The following TCF7L1 variants were observed in gnomAD, a reference collection of about 807,000 sequenced individuals.
The protein encoded by TCF7L1 is transcription factor 7 like 1, also known as transcription factor 7-like 1.
TCF7L1 carries 18 observed loss-of-function variants against 63.7 expected under a neutral mutation model. That is an observed-to-expected ratio of 0.28 (90% CI 0.20 to 0.42). The LOEUF is 0.42. Ranked by LOEUF, TCF7L1 falls within the 10% of genes least tolerant of loss-of-function variation. The pLI is 1.00. For synonymous variants in TCF7L1, 355 were observed against 340.9 expected (o/e 1.04, Z -0.46); for missense variants, 654 against 779.3 (o/e 0.84, Z 1.91).
intron 3 of TCF7L1, among the ~76,000 whole-genome samples, chr2:85,148,924 G>A (rs888662717): frequency 2.0e-5 from 3 of 151,802 alleles, no homozygotes; most frequent in Non-Finnish European, 4.4e-5. Context: ...AATTATAGGC[G>A]CCTGCCACCA....
Position 85,309,182 on chromosome 2 carries a change from A to C in TCF7L1, c.1487A>C (p.His496Pro). Reference protein sequence around the residue: ...LASPAAPAATHSEQAQPLSLT... With the variant: ...LASPAAPAATPSEQAQPLSLT... ...TCACCAGCTGCCCCTGCTGCCACCC[A>C]TTCGGAGCAAGCCCAGCCCCTCTCC... Residue 496 changes from histidine (H) to proline (P), a missense_variant, in exon 12 of 12, where the codon CAT (histidine) becomes CCT (proline). Around this residue, in one of 3 missense-constraint regions of TCF7L1, gnomAD observed 184 missense variants for 204.0 expected, o/e 0.90. Coordinates refer to ENST00000282111, the MANE Select transcript of TCF7L1 (RefSeq NM_031283.3). 6.2e-7 allele frequency: 1 copy of C among 1,613,240 alleles called. No individual in the cohort carries two copies. The highest frequency in any genetic ancestry group is 1.7e-5 in the Admixed American group (1 of 59,902).
intron 4 of TCF7L1, among the ~76,000 whole-genome samples, chr2:85,290,008 C>G (rs1573028118): frequency 7.0e-6 from 1 of 142,190 alleles, no homozygotes; most frequent in East Asian, 2.2e-4. Context: ...GACAGAGTCT[C>G]ACTATGTCGC....
chr2:85,136,166 C>T (rs1677589894), intron 3 of TCF7L1, among the ~76,000 whole-genome samples: 1 of 152,146 alleles, frequency 6.6e-6, no homozygotes, highest in Non-Finnish European at 1.5e-5. Flanking sequence ...AGTCCTGATG[C>T]AGTTAAAGTC....
intron 3 of TCF7L1, among the ~76,000 whole-genome samples, chr2:85,239,663 T>G (rs765185815): frequency 4.1e-4 from 62 of 151,914 alleles, no homozygotes; most frequent in Admixed American, 1.4e-3. Flanking sequence ...AGAATGAAGA[T>G]CGGGCGCAGT....
intron 3 of TCF7L1, among the ~76,000 whole-genome samples, chr2:85,246,781 A>G (rs1680475693): frequency 6.6e-6 from 1 of 152,158 alleles, no homozygotes; most frequent in Non-Finnish European, 1.5e-5. Flanking sequence ...TTCTTATCTC[A>G]TGAAATCATG....
chr2:85,198,730 A>T lies in TCF7L1; in HGVS notation c.441+64280A>T, dbSNP rs147514514. The stretch of plus-strand genomic sequence containing the variant: ...CAAAAAATTAGCTGGGTGTGGTGGC[A>T]CACGCCTGTGGTCCTAGCTACTCTG... On this transcript the variant is annotated intron_variant, in intron 3 of 11. Transcript: ENST00000282111. Among the ~76,000 whole-genome samples, 1,332 of 152,284 alleles carry T rather than the reference A, an allele frequency of 8.7e-3. 19 individuals carry two copies. Among genetic ancestry groups the T allele is most frequent in the African/African-American group, 0.031 (1,270 of 41,564 alleles).
At chr2:85,239,350 C>T (rs546916276) in intron 3 of TCF7L1, among the ~76,000 whole-genome samples, 5 of 152,252 alleles carry the variant, frequency 3.3e-5, no homozygotes, top group South Asian at 2.1e-4. Flanking sequence ...TGCCCTGCCA[C>T]GGACACAGAC....
intron 3 of TCF7L1, among the ~76,000 whole-genome samples, chr2:85,249,934 G>A (rs1002957974): frequency 2.6e-5 from 4 of 152,234 alleles, no homozygotes; most frequent in Admixed American, 6.5e-5. Context: ...TGAGGATTAA[G>A]TGAGTTTGCA....
chr2:85,199,498 T>C (rs1679226413), intron 3 of TCF7L1, among the ~76,000 whole-genome samples: 1 of 152,198 alleles, frequency 6.6e-6, no homozygotes, highest in South Asian at 2.1e-4. Context: ...GGTTCTCAAC[T>C]CAGGCTGCAC....
chr2:85,210,552 G>C (rs1300189870), intron 3 of TCF7L1, among the ~76,000 whole-genome samples: 4 of 152,226 alleles, frequency 2.6e-5, no homozygotes, highest in African/African-American at 4.8e-5. Context: ...CCATAGCCAA[G>C]ATTTGTCCAG....
chr2:85,151,160 G>GT (rs976760057), intron 3 of TCF7L1, among the ~76,000 whole-genome samples: 1 of 152,132 alleles, frequency 6.6e-6, no homozygotes, highest in Non-Finnish European at 1.5e-5. Context: ...AGATTTTGGA[G>GT]TTTTTTCCTT....
In TCF7L1 at chr2:85,304,332, T is replaced by C; in HGVS notation, c.839T>C (p.Met280Thr). ...CCCGCCCTCGCCATGAACGCCTCGA[T>C]GTCCAGGTGAGTCCCGGGGCTGGGG... Reference protein sequence around the residue: ...PYPALAMNASMSSLVSSRFSP... With the variant: ...PYPALAMNASTSSLVSSRFSP... The change falls in exon 7 of 12, where the codon ATG becomes ACG. Residue 280 changes from methionine (M) to threonine (T), a missense_variant. By Grantham distance (81) the Met-to-Thr change is moderately conservative (BLOSUM62 -1). Coordinates refer to ENST00000282111, the MANE Select transcript of TCF7L1 (RefSeq NM_031283.3). 1.9e-6 allele frequency: 3 copies of C among 1,613,996 alleles called. No individual in the cohort carries two copies. Among genetic ancestry groups the C allele is most frequent in the Non-Finnish European group, 2.5e-6 (3 of 1,179,960 alleles).
At position 85,144,713 on chromosome 2, in the gene TCF7L1, C is replaced by G. The variant is rs541402515; in HGVS notation, c.441+10263C>G. Among the ~76,000 whole-genome samples, 295 of 140,800 alleles carry G rather than the reference C, an allele frequency of 2.1e-3. 4 individuals are homozygous for G. In the East Asian group the frequency reaches 0.041, roughly 20 times the overall value. The allele number at this position is 140,800 out of a possible 152,430, so 92.4% of individuals were successfully genotyped here. On this transcript the variant is annotated intron_variant, in intron 3 of 11. Coordinates refer to ENST00000282111, the MANE Select transcript of TCF7L1 (RefSeq NM_031283.3). ...TTCTTTCCCATCCCCCTTTCTCTCT[C>G]TCTCTCTGTGTGTGTGTGTGTGTGT...
chr2:85,217,646 C>A (rs1329274991), intron 3 of TCF7L1, among the ~76,000 whole-genome samples: 1 of 152,200 alleles, frequency 6.6e-6, no homozygotes, highest in Non-Finnish European at 1.5e-5. Context: ...TAGCATGTTC[C>A]TTGCCCATGA....
At chr2:85,302,155 C>G (rs184336079) in intron 4 of TCF7L1, among the ~76,000 whole-genome samples, 1 of 151,862 alleles carries the variant, frequency 6.6e-6, no homozygotes, top group African/African-American at 2.4e-5. Context: ...AAAAAAAAAA[C>G]CTTTTTAGAT....
At position 85,163,352 on chromosome 2, in the gene TCF7L1, T is replaced by C. The variant is rs188126799; in HGVS notation, c.441+28902T>C. Among the ~76,000 whole-genome samples, 271 of 152,196 alleles carry C rather than the reference T, an allele frequency of 1.8e-3. 2 individuals are homozygous for C. The highest frequency in any genetic ancestry group is 6.3e-3 in the African/African-American group (262 of 41,532). Reference sequence around the variant, plus strand: ...GTGAGGTATTGGCCCCCCTCCCCCATAAGACCATGGGCTGGTGGTAGAGTT... The same window carrying C: ...GTGAGGTATTGGCCCCCCTCCCCCACAAGACCATGGGCTGGTGGTAGAGTT... On this transcript the variant is annotated intron_variant, in intron 3 of 11. Transcript: ENST00000282111.
intron 3 of TCF7L1, among the ~76,000 whole-genome samples, chr2:85,238,873 G>T (rs534952441): frequency 2.0e-5 from 3 of 151,656 alleles, no homozygotes; most frequent in African/African-American, 7.3e-5. Context: ...AGACTGGAGT[G>T]TCGTGGCGCA....
At chr2:85,138,246 C>T (rs140826285) in intron 3 of TCF7L1, among the ~76,000 whole-genome samples, 143 of 152,262 alleles carry the variant, frequency 9.4e-4, no homozygotes, top group African/African-American at 3.4e-3. Context: ...TCCTCAAACG[C>T]GTGCTCATTT....
At chr2:85,284,601 T>G (rs544001057) in intron 4 of TCF7L1, among the ~76,000 whole-genome samples, 19 of 152,250 alleles carry the variant, frequency 1.2e-4, no homozygotes, top group Admixed American at 5.2e-4. Context: ...ACACTTGCCT[T>G]AAGATGCACT....
Sources: allele counts gnomAD v4.1 joint callset (sites outside exome capture counted in the v4.1 genomes callset), GRCh38; gene constraint gnomAD v4.1.1; regional missense constraint gnomAD v4.1.1; transcripts MANE v1.5; gene names NCBI Gene and HGNC (gene_info 2026-07-23, HGNC 2026-07-21).